Variants in TTC29 observed in about 807,000 individuals in gnomAD.
TTC29 encodes tetratricopeptide repeat domain 29, also known as tetratricopeptide repeat protein 29.
Under a neutral mutation model 58.1 loss-of-function variants are expected in TTC29, and 49 were observed. The ratio of observed to expected loss-of-function variants is 0.84; its 90% CI spans 0.67 to 1.07. The LOEUF (loss-of-function observed/expected upper bound fraction) is 1.07, where lower values mean the gene tolerates loss of function less well. TTC29 is among the 50% of genes least tolerant of loss of function. The pLI is 0.00. For synonymous variants in TTC29, 209 were observed against 196.8 expected, an observed-to-expected ratio of 1.06 and a Z score of -0.52; for missense variants, 582 against 555.6, an observed-to-expected ratio of 1.05 and a Z score of -0.48.
At chr4:146,823,047 G>T (rs1053580598) in intron 9 of TTC29, among the ~76,000 whole-genome samples, 1 of 152,148 alleles carries the variant, frequency 6.6e-6, no homozygotes, top group Non-Finnish European at 1.5e-5. Flanking sequence ...CTCCCATTCT[G>T]TAGGTTGCCT....
chr4:146,863,077 G>C (rs529150118), intron 8 of TTC29, among the ~76,000 whole-genome samples: 1 of 150,166 alleles, frequency 6.7e-6, no homozygotes, highest in African/African-American at 2.5e-5. Context: ...AACCGAGATC[G>C]TGCCACTACA....
chr4:146,712,425 C>T (rs984006714), intron 11 of TTC29, among the ~76,000 whole-genome samples: 7 of 152,124 alleles, frequency 4.6e-5, no homozygotes, highest in Non-Finnish European at 5.9e-5. Flanking sequence ...GACATAGACT[C>T]ATGTGTGCTC....
chr4:146,847,054 G>A (rs6855967), intron 8 of TTC29, among the ~76,000 whole-genome samples: 18,360 of 152,098 alleles, frequency 0.12, 1,373 homozygotes, highest in East Asian at 0.2. Flanking sequence ...GAATGCTTTC[G>A]CACAGAAGAA....
intron 11 of TTC29, among the ~76,000 whole-genome samples, chr4:146,800,874 C>T (rs984463855): frequency 1.3e-5 from 2 of 152,038 alleles, no homozygotes; most frequent in Admixed American, 6.6e-5. Context: ...ACAGAAATGG[C>T]CGTGGTAGGA....
intron 11 of TTC29, among the ~76,000 whole-genome samples, chr4:146,730,386 T>C (rs4484319): frequency 0.31 from 47,369 of 152,016 alleles, 8,630 homozygotes; most frequent in South Asian, 0.47. Context: ...ATAGGAATTA[T>C]GTACACAAGT....
intron 11 of TTC29, among the ~76,000 whole-genome samples, chr4:146,729,821 T>C (rs1004278731): frequency 1.3e-5 from 2 of 151,936 alleles, no homozygotes; most frequent in Non-Finnish European, 2.9e-5. Flanking sequence ...TCAGATCTTA[T>C]GAGAACTCAC....
chr4:146,776,918 G>A (rs564309559), intron 11 of TTC29, among the ~76,000 whole-genome samples: 1 of 152,186 alleles, frequency 6.6e-6, no homozygotes, highest in African/African-American at 2.4e-5. Flanking sequence ...GTGTGGGGCT[G>A]CCTGCCTCCA....
At chr4:146,744,954 G>T (rs975743011) in intron 11 of TTC29, among the ~76,000 whole-genome samples, 3 of 152,108 alleles carry the variant, frequency 2.0e-5, no homozygotes, top group African/African-American at 7.2e-5. Context: ...ATAAAAATCT[G>T]CAAATTTATG....
intron 8 of TTC29, among the ~76,000 whole-genome samples, chr4:146,853,950 G>C (rs1182624202): frequency 6.6e-6 from 1 of 151,984 alleles, no homozygotes; most frequent in Non-Finnish European, 1.5e-5. Flanking sequence ...TGGTAAACTG[G>C]AATTCCAGGG....
chr4:146,903,816 C>T (rs763892718), intron 5 of TTC29, 87 bp from the exon 6 acceptor site: 4 of 978,312 alleles, frequency 4.1e-6, no homozygotes, highest in Non-Finnish European at 5.4e-6. Flanking sequence ...ATCATGACTT[C>T]CTATTTTTCC....
At chr4:146,929,299 T>C (rs1372896720) in intron 4 of TTC29, among the ~76,000 whole-genome samples, 2 of 152,224 alleles carry the variant, frequency 1.3e-5, no homozygotes, top group African/African-American at 4.8e-5. Context: ...TTATTTAATT[T>C]CAACACAATG....
At chr4:146,770,796 T>C (rs1747668499) in intron 11 of TTC29, among the ~76,000 whole-genome samples, 1 of 152,052 alleles carries the variant, frequency 6.6e-6, no homozygotes, top group African/African-American at 2.4e-5. Flanking sequence ...TTTGGTTTAG[T>C]CTTTCTCTCG....
In TTC29 at chr4:146,923,086, T is replaced by C. The variant is rs146334544; in HGVS notation, c.177-13837A>G. 5.9e-5 allele frequency among the ~76,000 whole-genome samples: 9 copies of C among 151,906 alleles called. No individual in the cohort carries two copies. In the East Asian group the frequency reaches 1.7e-3, roughly 29 times the overall value. On this transcript the variant is annotated intron_variant, in intron 4 of 12. Transcript: ENST00000325106. ...TTGAAACGGATAAAAAATTATTTAG[T>C]CAATTTTACAAAATACAAGTAACCA... is the stretch of plus-strand genomic sequence containing the variant.
chr4:146,785,962 G>A (rs895945336), intron 11 of TTC29, among the ~76,000 whole-genome samples: 3 of 147,914 alleles, frequency 2.0e-5, no homozygotes, highest in Non-Finnish European at 4.5e-5. Flanking sequence ...ATATATATAT[G>A]TATATCTACA....
intron 4 of TTC29, among the ~76,000 whole-genome samples, chr4:146,925,898 C>T (rs779118673): frequency 5.8e-4 from 89 of 152,250 alleles, no homozygotes; most frequent in Non-Finnish European, 1.1e-3. Context: ...CTTATTCATT[C>T]CTTCCTCTCT....
At chr4:146,770,834 G>T (rs562987307) in intron 11 of TTC29, among the ~76,000 whole-genome samples, 1 of 152,122 alleles carries the variant, frequency 6.6e-6, no homozygotes, top group East Asian at 1.9e-4. Flanking sequence ...TTGATGTCAG[G>T]CAGTATTCAG....
At chr4:146,833,126 TATAAG>T (rs1389448855) in intron 9 of TTC29, among the ~76,000 whole-genome samples, 1 of 152,184 alleles carries the variant, frequency 6.6e-6, no homozygotes, top group African/African-American at 2.4e-5. Context: ...CTATCTTGGA[TATAAG>T]ATAACATAGT....
chr4:146,887,972 C>T (rs779156129), intron 6 of TTC29, among the ~76,000 whole-genome samples: 5 of 151,866 alleles, frequency 3.3e-5, no homozygotes, highest in Admixed American at 1.3e-4. Flanking sequence ...TCATGCTCCC[C>T]GAGACAAAGA....
chr4:146,894,521 G>A (rs568144618), intron 6 of TTC29, among the ~76,000 whole-genome samples: 7 of 143,524 alleles, frequency 4.9e-5, no homozygotes, highest in African/African-American at 1.3e-4. Flanking sequence ...CACACACCAG[G>A]GCCTGTTGTG....
Sources: gnomAD v4.1 joint callset for allele counts (sites outside exome capture counted in the v4.1 genomes callset) on GRCh38, gnomAD v4.1.1 for gene constraint, MANE v1.5 for transcripts, NCBI Gene and HGNC (gene_info 2026-07-23, HGNC 2026-07-21) for gene names.